Variants in ANOS1 observed in about 807,000 individuals in gnomAD.
ANOS1 encodes the protein anosmin-1.
Under a neutral mutation model 59.0 loss-of-function variants are expected in ANOS1, and 6 were observed. That is an observed-to-expected ratio of 0.10 (90% CI 0.06 to 0.20). The LOEUF (loss-of-function observed/expected upper bound fraction) is 0.20. Among genes scored for constraint, ANOS1 ranks in the 10% least tolerant of loss-of-function variants. The pLI is 1.00. For synonymous variants in ANOS1, 217 were observed against 223.4 expected (o/e 0.97, Z 0.25); for missense variants, 433 against 542.3 (o/e 0.80, Z 2.00).
chrX:8,630,667 T>A (rs1931474442), intron 2 of ANOS1, among the ~76,000 whole-genome samples: 1 of 111,290 alleles, frequency 9.0e-6, no homozygotes, highest in African/African-American at 3.3e-5. Context: ...AGAAAACACA[T>A]AGCAGAAAAC....
At chrX:8,569,709 T>C (rs914696727) in intron 7 of ANOS1, among the ~76,000 whole-genome samples, 2 of 112,410 alleles carry the variant, frequency 1.8e-5, no homozygotes, top group African/African-American at 6.5e-5. Context: ...TTTTGAGGCA[T>C]GTTTTATAAT....
At chrX:8,730,396 T>C (rs1932961495) in intron 1 of ANOS1, among the ~76,000 whole-genome samples, 1 of 112,617 alleles carries the variant, frequency 8.9e-6, no homozygotes, top group South Asian at 3.7e-4. Context: ...AGCGTGCCCA[T>C]TTCTCTGACA....
intron 3 of ANOS1, among the ~76,000 whole-genome samples, chrX:8,617,850 T>C (rs919764461): frequency 6.3e-5 from 7 of 111,309 alleles, no homozygotes; most frequent in African/African-American, 6.5e-5. Context: ...GATAAGCCTG[T>C]CCAAGCAGGG....
intron 2 of ANOS1, among the ~76,000 whole-genome samples, chrX:8,647,725 C>A (rs933303637): frequency 8.9e-6 from 1 of 111,927 alleles, no homozygotes; most frequent in African/African-American, 3.3e-5. Flanking sequence ...TTCCTCTTAG[C>A]TACAAGCAGT....
intron 8 of ANOS1, among the ~76,000 whole-genome samples, chrX:8,566,394 T>G (rs1463754089): frequency 8.9e-6 from 1 of 111,757 alleles, no homozygotes; most frequent in Non-Finnish European, 1.9e-5. Flanking sequence ...TGTGCGTGTT[T>G]GTGTATATTT....
intron 2 of ANOS1, among the ~76,000 whole-genome samples, chrX:8,644,172 G>C (rs1052986764): frequency 5.4e-5 from 6 of 111,720 alleles, no homozygotes; most frequent in African/African-American, 2.0e-4. Context: ...GATTTAGCTT[G>C]ACGAAAATAC....
intron 2 of ANOS1, among the ~76,000 whole-genome samples, chrX:8,674,516 T>C (rs1261689520): frequency 2.7e-5 from 3 of 112,211 alleles, no homozygotes; most frequent in African/African-American, 9.7e-5. Flanking sequence ...ATCTTTTGGC[T>C]TTCCCGGGCC....
intron 2 of ANOS1, among the ~76,000 whole-genome samples, chrX:8,624,172 C>A (rs1931350749): frequency 9.2e-6 from 1 of 108,472 alleles, no homozygotes; most frequent in African/African-American, 3.4e-5. Context: ...CCTGCCACCA[C>A]ACCGGGCTAA....
intron 2 of ANOS1, among the ~76,000 whole-genome samples, chrX:8,632,047 G>A (rs779929649): frequency 2.7e-5 from 3 of 111,944 alleles, no homozygotes; most frequent in Non-Finnish European, 3.8e-5. Flanking sequence ...GTGTGCCTTC[G>A]TGGATGCAAT....
chrX:8,681,349 A>C (rs1011734643), intron 2 of ANOS1, among the ~76,000 whole-genome samples: 5 of 112,205 alleles, frequency 4.5e-5, no homozygotes, highest in Non-Finnish European at 7.5e-5. Flanking sequence ...TAGTGTATTT[A>C]CCTAGATATT....
At chrX:8,676,834 CTGT>C (rs1466248395) in intron 2 of ANOS1, among the ~76,000 whole-genome samples, 5 of 111,955 alleles carry the variant, frequency 4.5e-5, no homozygotes. Flanking sequence ...CAGCTGAGTA[CTGT>C]TGCTAATAAT....
chrX:8,721,303 G>A (rs1932873389), intron 1 of ANOS1, among the ~76,000 whole-genome samples: 1 of 111,513 alleles, frequency 9.0e-6, no homozygotes, highest in Non-Finnish European at 1.9e-5. Flanking sequence ...CTAAGAAGTG[G>A]AGTCATTCAG....
chrX:8,698,496 T>C (rs1387197310), intron 2 of ANOS1, among the ~76,000 whole-genome samples: 1 of 112,403 alleles, frequency 8.9e-6, no homozygotes, highest in African/African-American at 3.2e-5. Flanking sequence ...ATCAGCCTCA[T>C]AGCATTATGT....
chrX:8,724,486 A>C (rs1307685576), intron 1 of ANOS1, among the ~76,000 whole-genome samples: 1 of 112,554 alleles, frequency 8.9e-6, no homozygotes, highest in Non-Finnish European at 1.9e-5. Context: ...GAATTGCATT[A>C]CAGAGCTGAT....
intron 1 of ANOS1, among the ~76,000 whole-genome samples, chrX:8,723,151 A>C (rs1178318010): frequency 8.9e-6 from 1 of 112,644 alleles, no homozygotes; most frequent in African/African-American, 3.2e-5. Context: ...TGGCTTAGGC[A>C]AAGATTTCAT....
intron 1 of ANOS1, 127 bp downstream of exon 1, chrX:8,731,703 G>C (rs1300236504): frequency 1.8e-6 from 2 of 1,085,677 alleles, no homozygotes; most frequent in Non-Finnish European, 2.4e-6. Flanking sequence ...CACGCCCAGG[G>C]GAAGCCAGGA....
At chrX:8,566,203 G>T in intron 8 of ANOS1, 1 of 750,941 alleles carries the variant, frequency 1.3e-6, no homozygotes, top group Non-Finnish European at 1.6e-6. Flanking sequence ...ACTGTTTCCT[G>T]TAGTTCTGTC....
intron 2 of ANOS1, among the ~76,000 whole-genome samples, chrX:8,625,141 T>G (rs1160791725): frequency 9.1e-6 from 1 of 110,363 alleles, no homozygotes; most frequent in African/African-American, 3.3e-5. Context: ...ATAAAGCATA[T>G]ATAGTGTGTA....
intron 1 of ANOS1, among the ~76,000 whole-genome samples, chrX:8,703,373 G>A (rs773395636): frequency 5.4e-5 from 6 of 112,099 alleles, no homozygotes; most frequent in South Asian, 3.7e-4. Context: ...TATCACTAAC[G>A]CGGCAATACA....
Sources: gnomAD v4.1 joint callset for allele counts (sites outside exome capture counted in the v4.1 genomes callset) on GRCh38, gnomAD v4.1.1 for gene constraint, MANE v1.5 for transcripts, NCBI Gene and HGNC (gene_info 2026-07-23, HGNC 2026-07-21) for gene names.